The following VWF variants were observed in gnomAD, a reference collection of about 807,000 sequenced individuals.
The protein encoded by VWF is von Willebrand factor.
VWF carries 176 observed loss-of-function variants against 308.6 expected under a neutral mutation model. The observed-to-expected ratio is 0.57, with a 90% CI of 0.50 to 0.65. The LOEUF (loss-of-function observed/expected upper bound fraction) is 0.65. Among genes scored for constraint, VWF ranks in the 30% least tolerant of loss-of-function variants. VWF has a pLI of 0.00. For missense variants in VWF, 3,146 were observed against 3,648.2 expected (o/e 0.86, Z 3.55); for synonymous variants, 1,385 against 1,443.4 (o/e 0.96, Z 0.92).
intron 15 of VWF, 42 bp from the exon 16 acceptor site, chr12:6,052,825 G>A (rs1944534370): frequency 3.1e-6 from 5 of 1,594,520 alleles, no homozygotes; most frequent in East Asian, 2.3e-5. Context: ...GGGAATGTTG[G>A]ACAGCAAGGA....
chr12:6,033,637 T>C (rs1421302964), intron 20 of VWF, among the ~76,000 whole-genome samples: 1 of 152,238 alleles, frequency 6.6e-6, no homozygotes, highest in Non-Finnish European at 1.5e-5. Flanking sequence ...CCCTGCCTGG[T>C]CTGCATGCCC....
chr12:6,043,994 C>G lies in VWF; in HGVS notation c.2442+297G>C, dbSNP rs144498993. ...GTGGGAATGCTTGTTTTTACTAGTA[C>G]GTATTTTCTGGAAATTCTTTGCTTC... On this transcript the variant is annotated intron_variant, in intron 18 of 51. Coordinates refer to ENST00000261405, the MANE Select transcript of VWF (RefSeq NM_000552.5). Among the ~76,000 whole-genome samples the G allele has an allele frequency of 2.0e-5, 3 of 152,240 alleles. No homozygotes were observed. In the East Asian group the frequency reaches 5.8e-4, roughly 29 times the overall value.
chr12:5,979,813 G>A (rs912449957), intron 42 of VWF, among the ~76,000 whole-genome samples: 27 of 151,280 alleles, frequency 1.8e-4, no homozygotes, highest in African/African-American at 3.9e-4. Flanking sequence ...AGGCAGAGGC[G>A]GGTGGATCAC....
intron 50 of VWF, among the ~76,000 whole-genome samples, chr12:5,951,310 GA>G (rs1349467899): frequency 6.6e-6 from 1 of 152,192 alleles, no homozygotes; most frequent in Non-Finnish European, 1.5e-5. Flanking sequence ...GAGTGAAGAA[GA>G]GGGGGTGATA....
At chr12:6,108,819 A>C (rs1234517467) in intron 5 of VWF, among the ~76,000 whole-genome samples, 1 of 151,932 alleles carries the variant, frequency 6.6e-6, no homozygotes, top group East Asian at 1.9e-4. Context: ...GTCTCTACTA[A>C]AAATACAAAA....
At chr12:6,032,887 C>CAT (rs10656576) in intron 20 of VWF, among the ~76,000 whole-genome samples, 3 of 131,260 alleles carry the variant, frequency 2.3e-5, no homozygotes, top group Non-Finnish European at 4.8e-5. Context: ...CACACACACA[C>CAT]GCATACACAT....
At chr12:6,039,077 A>T (rs1760503970) in intron 18 of VWF, among the ~76,000 whole-genome samples, 1 of 152,170 alleles carries the variant, frequency 6.6e-6, no homozygotes, top group Admixed American at 6.5e-5. Flanking sequence ...GTCCCTGGCC[A>T]AATTTTGTGG....
At chr12:6,009,915 T>G (rs1476554894) in intron 34 of VWF, among the ~76,000 whole-genome samples, 1 of 152,078 alleles carries the variant, frequency 6.6e-6, no homozygotes, top group Non-Finnish European at 1.5e-5. Context: ...TTACAGGAGG[T>G]ATCTAAAATC....
At chr12:6,061,471 GAAAA>G (rs10559016) in intron 13 of VWF, among the ~76,000 whole-genome samples, 13 of 121,370 alleles carry the variant, frequency 1.1e-4, no homozygotes, top group African/African-American at 3.1e-4. Flanking sequence ...TTCATAAAAG[GAAAA>G]AAAAAAAAAA....
At chr12:6,015,896 C>T (rs1422439267) in intron 31 of VWF, among the ~76,000 whole-genome samples, 193 bp downstream of exon 31, 1 of 152,158 alleles carries the variant, frequency 6.6e-6, no homozygotes, top group African/African-American at 2.4e-5. Context: ...TCAATACACA[C>T]TTTTTATTGT....
chr12:6,014,508 T>C (rs1944036594), intron 31 of VWF, among the ~76,000 whole-genome samples: 1 of 152,086 alleles, frequency 6.6e-6, no homozygotes, highest in Admixed American at 6.5e-5. Context: ...CTCGAAGTAT[T>C]TTGAAGATGG....
At chr12:5,953,817 T>A (rs7958883) in intron 47 of VWF, 354,200 of 574,978 alleles carry the variant, frequency 0.62, 115,511 homozygotes, top group African/African-American at 0.9. Flanking sequence ...TAGCAGCCAG[T>A]CCTATTAAAT....
rs552890467 is a variant in VWF at position 6,103,244 on chromosome 12, C to T, written c.532+7130G>A. Among the ~76,000 whole-genome samples the T allele has an allele frequency of 2.8e-4, 43 of 152,096 alleles. No individual in the cohort carries two copies. In the South Asian group the frequency reaches 7.9e-3, roughly 28 times the overall value. On this transcript the variant is annotated intron_variant, in intron 5 of 51. Coordinates refer to ENST00000261405, the MANE Select transcript of VWF (RefSeq NM_000552.5). Reference sequence around the variant, plus strand: ...TAGGGAGGCTGAGGCAGGAGAATGGCATGAACCCAGGAGGCGGAGCTTGCA... The same window carrying T: ...TAGGGAGGCTGAGGCAGGAGAATGGTATGAACCCAGGAGGCGGAGCTTGCA...
chr12:6,006,998 G>A (rs889792074), intron 34 of VWF, among the ~76,000 whole-genome samples: 12 of 152,032 alleles, frequency 7.9e-5, no homozygotes, highest in Non-Finnish European at 1.3e-4. Flanking sequence ...ACAAAAAAAC[G>A]GACATTATAT....
At chr12:6,027,130 C>T (rs905371635) in intron 22 of VWF, among the ~76,000 whole-genome samples, 5 of 152,200 alleles carry the variant, frequency 3.3e-5, no homozygotes, top group South Asian at 2.1e-4. Flanking sequence ...AAAAGGCCAA[C>T]GATCTTCCCA....
rs554859439 is a variant in VWF at position 5,991,164 on chromosome 12, TTC to T, written c.6798+653_6798+654del. On this transcript the variant is annotated intron_variant, in intron 38 of 51. Transcript: ENST00000261405. The stretch of plus-strand genomic sequence containing the variant: ...TCTGTGGAATCCCAGTCCCAAGGGA[TTC>T]TCACACACACACACACACACACACA... 8.0e-4 allele frequency among the ~76,000 whole-genome samples: 77 copies of T among 96,698 alleles called. No individual in the cohort carries two copies. The South Asian group carries it at 0.021, about 26-fold the overall frequency. The allele number at this position is 96,698 out of a possible 152,430, so 63.4% of individuals were successfully genotyped here.
intron 5 of VWF, among the ~76,000 whole-genome samples, chr12:6,107,784 G>T (rs754617954): frequency 8.6e-5 from 13 of 151,936 alleles, no homozygotes; most frequent in African/African-American, 2.7e-4. Context: ...TCAGCTTCCC[G>T]AGTAGCTGGG....
chr12:6,119,251 A>G (rs1945404206), intron 3 of VWF, among the ~76,000 whole-genome samples: 1 of 151,888 alleles, frequency 6.6e-6, no homozygotes, highest in African/African-American at 2.4e-5. Flanking sequence ...CTGGTTACCC[A>G]CCCTAAGAGC....
chr12:6,087,902 G>C (rs1211431664), intron 6 of VWF, among the ~76,000 whole-genome samples: 2 of 152,136 alleles, frequency 1.3e-5, no homozygotes, highest in African/African-American at 4.8e-5. Context: ...GGTAGGTAGA[G>C]TGGTAACTGG....
Sources: gnomAD v4.1 joint callset for allele counts (sites outside exome capture counted in the v4.1 genomes callset) on GRCh38, gnomAD v4.1.1 for gene constraint, MANE v1.5 for transcripts, NCBI Gene and HGNC (gene_info 2026-07-23, HGNC 2026-07-21) for gene names.